Variants in CDH8 observed in about 807,000 individuals in gnomAD.
CDH8 encodes the protein cadherin-8.
Under a neutral mutation model 68.1 loss-of-function variants are expected in CDH8, and 17 were observed. The ratio of observed to expected loss-of-function variants is 0.25; its 90% confidence interval spans 0.17 to 0.37. CDH8 has a LOEUF of 0.37. CDH8 is among the 10% of genes least tolerant of loss of function. CDH8 has a pLI of 1.00. For synonymous variants in CDH8, 372 were observed against 365.1 expected (o/e 1.02, Z -0.21); for missense variants, 763 against 999.3 (o/e 0.76, Z 3.19).
chr16:61,740,138 C>T lies in CDH8; in HGVS notation c.1415-12923G>A, dbSNP rs1959825282. ...GGCCAGGATGGTCTCGATCTCCTGA[C>T]CTCGTGGTCTGCCCGCCTTGGCCTC... On this transcript the variant is annotated intron_variant, in intron 8 of 11. Coordinates refer to ENST00000577390, the MANE Select transcript of CDH8 (RefSeq NM_001796.5). 3.3e-5 allele frequency among the ~76,000 whole-genome samples: 5 copies of T among 151,764 alleles called. No individual in the cohort carries two copies. The South Asian group carries it at 6.3e-4, about 19-fold the overall frequency.
intron 8 of CDH8, among the ~76,000 whole-genome samples, chr16:61,778,852 A>AT (rs1960965826): frequency 2.0e-5 from 3 of 152,034 alleles, no homozygotes; most frequent in East Asian, 3.9e-4. Flanking sequence ...ATAAAGGTAT[A>AT]TTTTTTTCTA....
At chr16:61,732,567 AG>A (rs1302594532) in intron 8 of CDH8, among the ~76,000 whole-genome samples, 12 of 151,828 alleles carry the variant, frequency 7.9e-5, no homozygotes, top group Admixed American at 2.0e-4. Flanking sequence ...TCACCAGATA[AG>A]CAAAATCTTA....
At chr16:61,900,436 A>G (rs1963948798) in intron 3 of CDH8, among the ~76,000 whole-genome samples, 1 of 152,324 alleles carries the variant, frequency 6.6e-6, no homozygotes, top group Middle Eastern at 3.4e-3. Flanking sequence ...TACAAGGAAG[A>G]GCTCTAAAAT....
At chr16:62,019,952 C>T (rs2150611708) in intron 2 of CDH8, among the ~76,000 whole-genome samples, 1 of 152,286 alleles carries the variant, frequency 6.6e-6, no homozygotes, top group South Asian at 2.1e-4. Context: ...GATACGCCTC[C>T]TGTGTCTAAT....
chr16:61,760,817 CA>C (rs1449080720), intron 8 of CDH8, among the ~76,000 whole-genome samples: 1 of 151,884 alleles, frequency 6.6e-6, no homozygotes, highest in African/African-American at 2.4e-5. Context: ...TAACATTAAA[CA>C]AATAAAAATA....
chr16:61,945,078 T>C (rs1018678298), intron 2 of CDH8, among the ~76,000 whole-genome samples: 1 of 152,142 alleles, frequency 6.6e-6, no homozygotes. Context: ...ATCAGCACTT[T>C]AGTGAGGAGA....
chr16:61,734,411 G>T (rs889050170), intron 8 of CDH8, among the ~76,000 whole-genome samples: 2 of 152,098 alleles, frequency 1.3e-5, no homozygotes, highest in African/African-American at 4.8e-5. Flanking sequence ...TCCAGTGATA[G>T]ATCTGCTTTT....
intron 2 of CDH8, among the ~76,000 whole-genome samples, chr16:61,925,600 A>G (rs907804288): frequency 6.6e-6 from 1 of 152,166 alleles, no homozygotes; most frequent in African/African-American, 2.4e-5. Context: ...ATTAGGAAAT[A>G]ATTAATGCAT....
chr16:61,828,845 C>T (rs1479039396), intron 4 of CDH8, among the ~76,000 whole-genome samples: 1 of 151,802 alleles, frequency 6.6e-6, no homozygotes, highest in East Asian at 1.9e-4. Context: ...AGATAATAAC[C>T]AGCTTCTCAC....
intron 8 of CDH8, among the ~76,000 whole-genome samples, chr16:61,731,466 T>G (rs1164154222): frequency 6.6e-6 from 1 of 151,782 alleles, no homozygotes; most frequent in Non-Finnish European, 1.5e-5. Context: ...TAGCTGGATG[T>G]GGTCAGGGAC....
intron 7 of CDH8, among the ~76,000 whole-genome samples, chr16:61,796,667 C>G (rs1176268129): frequency 1.3e-5 from 2 of 152,082 alleles, no homozygotes; most frequent in Admixed American, 1.3e-4. Context: ...CTAATACCAC[C>G]ATTCCTCTAA....
intron 4 of CDH8, among the ~76,000 whole-genome samples, chr16:61,843,712 T>C (rs1042882364): frequency 1.3e-5 from 2 of 152,180 alleles, no homozygotes; most frequent in African/African-American, 4.8e-5. Context: ...AGTGTCTTTA[T>C]AGCAGCATGA....
At chr16:62,016,595 C>T (rs891375793) in intron 2 of CDH8, among the ~76,000 whole-genome samples, 3 of 152,200 alleles carry the variant, frequency 2.0e-5, no homozygotes, top group Non-Finnish European at 4.4e-5. Context: ...GTCCCATGAG[C>T]CACTTTTTTC....
At chr16:61,887,043 T>G (rs181296445) in intron 3 of CDH8, among the ~76,000 whole-genome samples, 1 of 152,216 alleles carries the variant, frequency 6.6e-6, no homozygotes, top group Non-Finnish European at 1.5e-5. Context: ...ACAATATTCA[T>G]TCCTGTGTTC....
chr16:61,711,560 T>C (rs1274489651), intron 10 of CDH8: 1 of 151,786 alleles, frequency 6.6e-6, no homozygotes, highest in African/African-American at 2.4e-5. Context: ...TTTCTACATA[T>C]TAAGACAAGC....
chr16:61,813,330 C>T (rs1297282462), intron 7 of CDH8, among the ~76,000 whole-genome samples: 1 of 152,148 alleles, frequency 6.6e-6, no homozygotes, highest in Non-Finnish European at 1.5e-5. Flanking sequence ...AAGTGCACAC[C>T]CCAGTTCCAC....
At chr16:61,908,965 C>T (rs1370347348) in intron 2 of CDH8, among the ~76,000 whole-genome samples, 1 of 152,034 alleles carries the variant, frequency 6.6e-6, no homozygotes, top group Non-Finnish European at 1.5e-5. Context: ...AAACACTTCT[C>T]AAGGTAATTC....
At chr16:61,664,905 A>T (rs1963635916) in intron 10 of CDH8, among the ~76,000 whole-genome samples, 1 of 152,044 alleles carries the variant, frequency 6.6e-6, no homozygotes, top group Non-Finnish European at 1.5e-5. Flanking sequence ...TTCGTCCTTG[A>T]AGCATTTGGA....
intron 3 of CDH8, among the ~76,000 whole-genome samples, chr16:61,872,219 G>C (rs556350713): frequency 1.3e-5 from 2 of 152,288 alleles, no homozygotes; most frequent in East Asian, 3.9e-4. Flanking sequence ...TAAATCAAAA[G>C]TATCCGAGAC....
Sources: allele counts gnomAD v4.1 joint callset (sites outside exome capture counted in the v4.1 genomes callset), GRCh38; gene constraint gnomAD v4.1.1; transcripts MANE v1.5; gene names NCBI Gene and HGNC (gene_info 2026-07-23, HGNC 2026-07-21).